Variants in MAST4 observed in about 807,000 individuals in gnomAD.
MAST4 encodes the protein microtubule associated serine/threonine kinase family member 4.
MAST4 carries 89 observed loss-of-function variants against 162.7 expected under a neutral mutation model. The ratio of observed to expected loss-of-function variants is 0.55; its 90% confidence interval spans 0.46 to 0.65. The LOEUF is 0.65. MAST4 is among the 30% of genes least tolerant of loss of function. The pLI is 0.00. For synonymous variants in MAST4, 1,479 were observed against 1,361.1 expected (o/e 1.09, Z -1.91); for missense variants, 3,153 against 3,374.0 (o/e 0.93, Z 1.62).
intron 11 of MAST4, among the ~76,000 whole-genome samples, 173 bp from the exon 12 acceptor site, chr5:67,113,914 G>A (rs529448995): frequency 2.3e-4 from 35 of 152,286 alleles, no homozygotes; most frequent in African/African-American, 7.9e-4. Context: ...ATATGAATAG[G>A]CTTCAAATAT....
chr5:66,775,109 C>T (rs1267694536), intron 2 of MAST4, among the ~76,000 whole-genome samples: 2 of 151,708 alleles, frequency 1.3e-5, no homozygotes, highest in Non-Finnish European at 1.5e-5. Flanking sequence ...ATATACTGTA[C>T]TCTTTGATGT....
intron 4 of MAST4, among the ~76,000 whole-genome samples, chr5:66,972,165 G>A (rs6859480): frequency 0.15 from 23,443 of 152,146 alleles, 2,185 homozygotes; most frequent in Non-Finnish European, 0.21. Flanking sequence ...CATTCAAAAT[G>A]AACTATAAAA....
intron 5 of MAST4, among the ~76,000 whole-genome samples, chr5:67,075,894 A>T (rs1284925880): frequency 6.6e-6 from 1 of 151,784 alleles, no homozygotes; most frequent in African/African-American, 2.4e-5. Flanking sequence ...CTTGTTATTT[A>T]TTATCTTTAT....
Position 66,596,725 on chromosome 5 carries a change from C to T in MAST4, c.70C>T (p.Pro24Ser). 3 of 1,432,496 alleles carry T rather than the reference C, an allele frequency of 2.1e-6. No homozygotes were observed. Among genetic ancestry groups the T allele is most frequent in the Non-Finnish European group, 2.7e-6 (3 of 1,093,638 alleles). 88.7% of individuals were successfully genotyped at this position (1,432,496 alleles called of 1,614,324 possible). ...CTGCAGTGGCCACGGCAGCCGGACT[C>T]CAGCCTCTGCGCTGGTCGCCGCGTC... The part of the protein sequence containing the change: ...RGCSGHGSRT[P>S]ASALVAASSP... The change falls in exon 1 of 29, where the codon CCA becomes TCA. Residue 24 changes from proline to serine, a missense_variant. Transcript: ENST00000403625.
chr5:67,144,736 C>A lies in MAST4; in HGVS notation c.2798C>A (p.Thr933Asn). 1 of 1,613,902 alleles carries A rather than the reference C, an allele frequency of 6.2e-7. No homozygotes were observed. Among genetic ancestry groups the A allele is most frequent in the Non-Finnish European group, 8.5e-7 (1 of 1,179,838 alleles). The change falls in exon 22 of 29, where the codon ACC becomes AAC. Residue 933 changes from threonine to asparagine, a missense_variant. Coordinates refer to ENST00000403625, the MANE Select transcript of MAST4 (RefSeq NM_001164664.2). ...AEEKEDSVDKTKSTTLPSTET... is the reference protein window; with the variant it reads ...AEEKEDSVDKNKSTTLPSTET... ...GAGAAGGAAGACTCTGTGGACAAAA[C>A]CAAAAGCACCACCTTGCCATCCACA...
At chr5:66,858,204 A>G (rs1759828745) in intron 3 of MAST4, among the ~76,000 whole-genome samples, 1 of 152,068 alleles carries the variant, frequency 6.6e-6, no homozygotes, top group Non-Finnish European at 1.5e-5. Context: ...TCTACTAAAG[A>G]TGGTTGGCCA....
chr5:66,768,380 C>G (rs1754203413), intron 2 of MAST4, among the ~76,000 whole-genome samples: 1 of 152,080 alleles, frequency 6.6e-6, no homozygotes, highest in African/African-American at 2.4e-5. Context: ...CACATTGTCA[C>G]AGGAGGAAGG....
chr5:66,799,504 G>A (rs1214112089), intron 3 of MAST4, among the ~76,000 whole-genome samples: 1 of 152,184 alleles, frequency 6.6e-6, no homozygotes, highest in Non-Finnish European at 1.5e-5. Context: ...ATTTCCTTGG[G>A]TGGGTTCTTT....
chr5:66,771,451 G>A (rs1754355241), intron 2 of MAST4, among the ~76,000 whole-genome samples: 1 of 152,170 alleles, frequency 6.6e-6, no homozygotes, highest in East Asian at 1.9e-4. Flanking sequence ...CTCCCAAAGT[G>A]CTGGGATTAC....
At chr5:66,843,029 G>A (rs980762478) in intron 3 of MAST4, among the ~76,000 whole-genome samples, 4 of 152,094 alleles carry the variant, frequency 2.6e-5, no homozygotes, top group Non-Finnish European at 4.4e-5. Context: ...TCCTCCGTGT[G>A]TCTGTATATA....
chr5:66,794,089 T>A (rs1755541757), intron 3 of MAST4, among the ~76,000 whole-genome samples: 1 of 152,244 alleles, frequency 6.6e-6, no homozygotes, highest in South Asian at 2.1e-4. Context: ...TATTTATGGT[T>A]TTGTTTTTAA....
intron 1 of MAST4, among the ~76,000 whole-genome samples, chr5:66,650,902 G>T (rs1561238391): frequency 1.3e-5 from 2 of 152,204 alleles, no homozygotes; most frequent in Admixed American, 1.3e-4. Context: ...ATCAAAACAA[G>T]TCTCATGGCA....
intron 4 of MAST4, among the ~76,000 whole-genome samples, chr5:66,970,651 T>C (rs570809329): frequency 1.3e-5 from 2 of 152,360 alleles, no homozygotes; most frequent in African/African-American, 4.8e-5. Context: ...CTGTTTTGTC[T>C]ACTGACTTGA....
intron 3 of MAST4, among the ~76,000 whole-genome samples, chr5:66,809,648 G>T (rs1178471573): frequency 6.6e-6 from 1 of 152,130 alleles, no homozygotes; most frequent in East Asian, 1.9e-4. Flanking sequence ...ATAAAAAAAT[G>T]ATTCCTTTAT....
At chr5:66,679,659 A>G (rs964444654) in intron 1 of MAST4, among the ~76,000 whole-genome samples, 10 of 151,502 alleles carry the variant, frequency 6.6e-5, no homozygotes, top group African/African-American at 2.2e-4. Context: ...CCATGGTTAC[A>G]CCATTCCAAT....
chr5:67,082,467 G>A (rs1336430449), intron 5 of MAST4, among the ~76,000 whole-genome samples: 1 of 152,124 alleles, frequency 6.6e-6, no homozygotes, highest in Non-Finnish European at 1.5e-5. Context: ...AGGGCATTAA[G>A]GCAGAGGTAC....
At chr5:66,855,312 C>A (rs987141536) in intron 3 of MAST4, among the ~76,000 whole-genome samples, 2 of 152,188 alleles carry the variant, frequency 1.3e-5, no homozygotes, top group Non-Finnish European at 2.9e-5. Flanking sequence ...CTTCACCTTC[C>A]GCTATGATTA....
chr5:66,916,077 A>T (rs1764099774), intron 4 of MAST4, among the ~76,000 whole-genome samples: 1 of 152,250 alleles, frequency 6.6e-6, no homozygotes, highest in African/African-American at 2.4e-5. Context: ...ATATCTCATT[A>T]GTAATTCTTA....
Position 67,094,564 on chromosome 5 carries a change from T to C in MAST4, c.834-1033T>C, listed in dbSNP as rs1297787318. Among the ~76,000 whole-genome samples the C allele has an allele frequency of 4.6e-5, 7 of 152,326 alleles. No homozygotes were observed. The East Asian group carries it at 9.6e-4, about 21-fold the overall frequency. On this transcript the variant is annotated intron_variant, in intron 6 of 28. Transcript: ENST00000403625. Reference sequence around the variant, plus strand: ...TTTTTTTAAAGTGTGTTTTTCCTTTTTTTTGCCCCTTGACAAATTTGCATA... The same window carrying C: ...TTTTTTTAAAGTGTGTTTTTCCTTTCTTTTGCCCCTTGACAAATTTGCATA...
Sources: allele counts gnomAD v4.1 joint callset (sites outside exome capture counted in the v4.1 genomes callset), GRCh38; gene constraint gnomAD v4.1.1; transcripts MANE v1.5; gene names NCBI Gene and HGNC (gene_info 2026-07-23, HGNC 2026-07-21).